The following SKOR1 variants were observed in gnomAD, a reference collection of about 807,000 sequenced individuals.
The protein encoded by SKOR1 is LBX1 corepressor 1.
A neutral mutation model predicts 72.4 loss-of-function variants in SKOR1; 38 were observed. That is an observed-to-expected ratio of 0.52 (90% CI 0.40 to 0.69). The LOEUF is 0.69. SKOR1 is among the 30% of genes least tolerant of loss of function. The pLI, the probability that SKOR1 is intolerant of heterozygous loss-of-function variation, is 0.00. For synonymous variants in SKOR1, 642 were observed against 599.4 expected (o/e 1.07, Z -1.04); for missense variants, 1,320 against 1,343.2 (o/e 0.98, Z 0.27).
chr15:67,829,647 C>T lies in SKOR1; in HGVS notation c.2407+378C>T, dbSNP rs538515268. Among the ~76,000 whole-genome samples the T allele has an allele frequency of 2.0e-4, 31 of 152,360 alleles. No homozygotes were observed. In the East Asian group the frequency reaches 4.6e-3, roughly 23 times the overall value. ...GGGGCGGAGGATGGGGGCACATGGC[C>T]GCGCGCTTGGGTACCCCAGAAGCGC... On this transcript the variant is annotated intron_variant, in intron 3 of 8. Coordinates refer to ENST00000380035, the MANE Select transcript of SKOR1 (RefSeq NM_001365915.1).
chr15:67,828,267 C>T (rs1240404895), intron 2 of SKOR1, 123 bp downstream of exon 2: 1 of 1,341,682 alleles, frequency 7.5e-7, no homozygotes, highest in African/African-American at 1.5e-5. Context: ...CAGGCCTCGG[C>T]CACTCTCCGC....
chr15:67,834,043 G>A lies in SKOR1; in HGVS notation c.*207G>A. The A allele has an allele frequency of 4.9e-6, 3 of 615,086 alleles. No individual in the cohort carries two copies. Among genetic ancestry groups the A allele is most frequent in the Non-Finnish European group, 8.7e-6 (3 of 343,690 alleles). The allele number at this position is 615,086 out of a possible 1,614,324, so 38.1% of individuals were successfully genotyped here. Reference sequence around the variant, plus strand: ...TCCAGGGCCCCGGCTTGGTTTCCAAGTGTAAATACCGCCTCGCGCCTCAAA... The same window carrying A: ...TCCAGGGCCCCGGCTTGGTTTCCAAATGTAAATACCGCCTCGCGCCTCAAA... On this transcript the variant is annotated 3_prime_UTR_variant, in exon 9 of 9. Transcript: ENST00000380035. This position sits in a 1 kb window ranked among gnomAD's most constrained non-coding sequence, Gnocchi z 5.8.
chr15:67,831,965 T>A (rs2091012018), intron 5 of SKOR1, among the ~76,000 whole-genome samples: 1 of 150,176 alleles, frequency 6.7e-6, no homozygotes, highest in East Asian at 1.9e-4. Flanking sequence ...GGAAATCAAG[T>A]TTCCGTGGGC....
chr15:67,828,221 G>T, intron 2 of SKOR1, 77 bp downstream of exon 2: 1 of 1,360,368 alleles, frequency 7.4e-7, no homozygotes, highest in South Asian at 1.8e-5. Flanking sequence ...GCCGGGCGGA[G>T]AACGGGAATT....
At chr15:67,831,935 G>A (rs1236500300) in intron 5 of SKOR1, among the ~76,000 whole-genome samples, 4 of 148,502 alleles carry the variant, frequency 2.7e-5, no homozygotes, top group Admixed American at 6.7e-5. Context: ...GGGCGGGGGC[G>A]GGGTCTGTCA....
chr15:67,826,936 C>A lies in SKOR1; in HGVS notation c.1108C>A (p.Arg370=), dbSNP rs766066886. The A allele has an allele frequency of 1.9e-6, 3 of 1,583,306 alleles. No homozygotes were observed. The highest frequency in any genetic ancestry group is 2.3e-5 in the East Asian group (1 of 43,156). Residue 370 remains arginine (R), a synonymous_variant, in exon 2 of 9, where the codon CGA becomes AGA. Transcript: ENST00000380035. ...AGGGCCCGGTGGCGGCGCCGGCGTA[C>A]GAAGCTACCCGGTGATCCCGGTGCC... ...PGGPGGGAGV[R]SYPVIPVPSK...
chr15:67,830,048 C>A (rs903667566), intron 3 of SKOR1, 143 bp from the exon 4 acceptor site: 8 of 790,384 alleles, frequency 1.0e-5, no homozygotes, highest in Non-Finnish European at 1.6e-5. Context: ...AGCCTCAGGG[C>A]GCGCTCCTGG....
rs2090988502 is a variant in SKOR1, at chr15:67,829,118, G to C, written c.2317-61G>C. The C allele has an allele frequency of 4.9e-6, 7 of 1,437,060 alleles. No homozygotes were observed. The East Asian group carries it at 1.8e-4, about 36-fold the overall frequency. The allele number at this position is 1,437,060 out of a possible 1,614,324, so 89.0% of individuals were successfully genotyped here. On this transcript the variant is annotated intron_variant, in intron 2 of 8. Transcript: ENST00000380035. ...CCCTCTTGGCCGCGGGGTAGGGCTG[G>C]GCGTCTTTGGGCCGCCGCAGGGCGC...
Position 67,826,982 on chromosome 15 carries a change from T to C in SKOR1, c.1154T>C (p.Leu385Pro), listed in dbSNP as rs1597015946. The part of the protein sequence containing the change: ...IPVPSKGFGL[L>P]QKLPPPLFPH... ...GTGCCCAGCAAAGGCTTTGGGCTCC[T>C]GCAAAAGCTGCCCCCACCACTTTTC... The change falls in exon 2 of 9, where the codon CTG becomes CCG. Residue 385 changes from leucine to proline, a missense_variant. Leu to Pro is a moderately conservative substitution (Grantham distance 98). This residue lies in a region of SKOR1 where 1,099 missense variants were observed against 1,025.5 expected (regional missense o/e 1.07). Transcript: ENST00000380035. The C allele has an allele frequency of 6.3e-7, 1 of 1,596,162 alleles. No individual in the cohort carries two copies. Among genetic ancestry groups the C allele is most frequent in the Non-Finnish European group, 8.5e-7 (1 of 1,178,780 alleles).
At position 67,833,205 on chromosome 15, in the gene SKOR1, C is replaced by T; in HGVS notation, c.2751C>T (p.Asn917=). 1 of 1,614,038 alleles carries T rather than the reference C, an allele frequency of 6.2e-7. No homozygotes were observed. The highest frequency in any genetic ancestry group is 8.5e-7 in the Non-Finnish European group (1 of 1,180,006). The change falls in exon 8 of 9, where the codon AAC becomes AAT. Residue 917 remains asparagine (N), a synonymous_variant. Transcript: ENST00000380035. This position sits in a 1 kb window ranked among gnomAD's most constrained non-coding sequence, Gnocchi z 6.0. The part of the protein sequence containing the change: ...QLQIVRDTLC[N]ELDQERKARY... ...CTTGTCTTCCAGATACCCTGTGTAA[C>T]GAACTCGACCAGGAGCGGAAGGCGC...
In SKOR1 at chr15:67,826,959, G is replaced by A. The variant is rs1159699366; in HGVS notation, c.1131G>A (p.Val377=). The A allele has an allele frequency of 6.3e-7, 1 of 1,594,412 alleles. No individual in the cohort carries two copies. Among genetic ancestry groups the A allele is most frequent in the Admixed American group, 1.7e-5 (1 of 59,780 alleles). ...AGVRSYPVIP[V]PSKGFGLLQK... ...TACGAAGCTACCCGGTGATCCCGGT[G>A]CCCAGCAAAGGCTTTGGGCTCCTGC... Residue 377 remains valine, a synonymous_variant, in exon 2 of 9, where the codon GTG becomes GTA. Coordinates refer to ENST00000380035, the MANE Select transcript of SKOR1 (RefSeq NM_001365915.1).
chr15:67,829,595 C>T (rs2090992288), intron 3 of SKOR1, among the ~76,000 whole-genome samples: 2 of 152,230 alleles, frequency 1.3e-5, no homozygotes, highest in African/African-American at 4.8e-5. Context: ...TGTTTGGCCG[C>T]GGGGTCCCCT....
Position 67,825,839 on chromosome 15 carries a change from C to T in SKOR1, c.108-97C>T, listed in dbSNP as rs1166450847. 1.1e-5 allele frequency: 17 copies of T among 1,516,282 alleles called. No homozygotes were observed. The highest frequency in any genetic ancestry group is 1.4e-5 in the Non-Finnish European group (16 of 1,139,182). 93.9% of individuals were successfully genotyped at this position (1,516,282 alleles called of 1,614,324 possible). On this transcript the variant is annotated intron_variant, in intron 1 of 8. Coordinates refer to ENST00000380035, the MANE Select transcript of SKOR1 (RefSeq NM_001365915.1). This position sits in a 1 kb window ranked among gnomAD's most constrained non-coding sequence, Gnocchi z 5.6. ...TGGACTCCCCACTGCCAAGTATCCC[C>T]CGCGCGCCCAACTCGGAGCGCCCTG...
At position 67,827,918 on chromosome 15, in the gene SKOR1, C is replaced by T. The variant is rs757002109; in HGVS notation, c.2090C>T (p.Pro697Leu). The T allele has an allele frequency of 1.3e-6, 2 of 1,591,086 alleles. No homozygotes were observed. Among genetic ancestry groups the T allele is most frequent in the East Asian group, 4.5e-5 (2 of 44,002 alleles). ...GGPDGEQPTGPPSATSSGADG... is the reference protein window; with the variant it reads ...GGPDGEQPTGLPSATSSGADG... The stretch of plus-strand genomic sequence containing the variant: ...CCAGACGGTGAACAGCCCACTGGAC[C>T]CCCTTCCGCCACCTCCTCTGGCGCG... Residue 697 changes from proline (P) to leucine (L), a missense_variant, in exon 2 of 9, where the codon CCC (proline) becomes CTC (leucine). Around this residue, in one of 3 missense-constraint regions of SKOR1, gnomAD observed 1,099 missense variants for 1,025.5 expected, o/e 1.07. Transcript: ENST00000380035.
rs770670099 is a variant in SKOR1 at position 67,827,037 on chromosome 15, C to T, written c.1209C>T (p.Phe403=). 72 of 1,574,058 alleles carry T rather than the reference C, an allele frequency of 4.6e-5. No individual in the cohort carries two copies. Among genetic ancestry groups the T allele is most frequent in the African/African-American group, 9.7e-5 (7 of 72,360 alleles). The change falls in exon 2 of 9, where the codon TTC becomes TTT. Residue 403 remains phenylalanine, a synonymous_variant. Transcript: ENST00000380035. ...ATCCTTACGGCTTCCCTACGGCCTT[C>T]GGCCTATGCCCCAAAAAGGACGACC... ...FPHPYGFPTA[F]GLCPKKDDPV...
chr15:67,828,213 C>T, intron 2 of SKOR1, 69 bp downstream of exon 2: 1 of 1,360,682 alleles, frequency 7.3e-7, no homozygotes, highest in Non-Finnish European at 9.4e-7. Flanking sequence ...GCTGCGGGGC[C>T]GGGCGGAGAA....
chr15:67,831,921 GCCGGGGC>G (rs2091011476), intron 5 of SKOR1, among the ~76,000 whole-genome samples: 2 of 131,860 alleles, frequency 1.5e-5, no homozygotes, highest in African/African-American at 3.0e-5. Context: ...GGAGGTCGGG[GCCGGGGC>G]GGGGGCGGGG....
rs990723478 is a variant in SKOR1, at chr15:67,833,321, G to A, written c.2803+64G>A. 1.2e-5 allele frequency: 18 copies of A among 1,534,018 alleles called. No homozygotes were observed. The Admixed American group carries it at 3.1e-4, about 26-fold the overall frequency. On this transcript the variant is annotated intron_variant, in intron 8 of 8. Coordinates refer to ENST00000380035, the MANE Select transcript of SKOR1 (RefSeq NM_001365915.1). The surrounding 1 kb of genome is among the most constrained non-coding windows in gnomAD (Gnocchi z 6.0). Reference sequence around the variant, plus strand: ...GTGCCGGCCGTGCTGTCGACTGAATGAATGAATAGTGGGACTAGTGAGGAA... The same window carrying A: ...GTGCCGGCCGTGCTGTCGACTGAATAAATGAATAGTGGGACTAGTGAGGAA...
At chr15:67,829,059 C>T in intron 2 of SKOR1, 120 bp from the exon 3 acceptor site, 1 of 848,376 alleles carries the variant, frequency 1.2e-6, no homozygotes, top group Non-Finnish European at 1.8e-6. Context: ...TCAAGTCCAG[C>T]GGGCGCACCA....
Sources: allele counts gnomAD v4.1 joint callset (sites outside exome capture counted in the v4.1 genomes callset), GRCh38; gene constraint gnomAD v4.1.1; regional missense constraint gnomAD v4.1.1; non-coding constraint Gnocchi (gnomAD v3.1); transcripts MANE v1.5; gene names NCBI Gene and HGNC (gene_info 2026-07-23, HGNC 2026-07-21).